The following ALMS1 variants were observed in gnomAD, a reference collection of about 807,000 sequenced individuals.
ALMS1 encodes the protein centrosome-associated protein ALMS1.
A neutral mutation model predicts 352.2 loss-of-function variants in ALMS1; 271 were observed. The observed-to-expected ratio is 0.77, with a 90% CI of 0.70 to 0.85. ALMS1 has a LOEUF of 0.85. Among genes scored for constraint, ALMS1 ranks in the 40% least tolerant of loss-of-function variants. The pLI, the probability that ALMS1 is intolerant of heterozygous loss-of-function variation, is 0.00. For synonymous variants in ALMS1, 1,865 were observed against 1,761.2 expected, an observed-to-expected ratio of 1.06 and a Z score of -1.48; for missense variants, 5,445 against 4,870.7, an observed-to-expected ratio of 1.12 and a Z score of -3.51.
intron 10 of ALMS1, among the ~76,000 whole-genome samples, chr2:73,493,007 A>T (rs1673024018): frequency 6.6e-6 from 1 of 152,086 alleles, no homozygotes; most frequent in African/African-American, 2.4e-5. Flanking sequence ...AAACATTGAC[A>T]ATTTCATATA....
chr2:73,503,625 G>A (rs1673261943), intron 10 of ALMS1, among the ~76,000 whole-genome samples: 2 of 152,102 alleles, frequency 1.3e-5, no homozygotes, highest in African/African-American at 2.4e-5. Flanking sequence ...GTAATGGGAT[G>A]GCTGGGTCAA....
At chr2:73,409,219 A>G (rs1056783609) in intron 2 of ALMS1, among the ~76,000 whole-genome samples, 2 of 152,248 alleles carry the variant, frequency 1.3e-5, no homozygotes, top group African/African-American at 4.8e-5. Flanking sequence ...CTTTATGTAT[A>G]TGTAGAAGAG....
intron 1 of ALMS1, among the ~76,000 whole-genome samples, chr2:73,397,497 C>T (rs1057294483): frequency 6.6e-6 from 1 of 151,386 alleles, no homozygotes; most frequent in Non-Finnish European, 1.5e-5. Context: ...GATGGTGTTT[C>T]GCTCTTGTTG....
intron 12 of ALMS1, among the ~76,000 whole-genome samples, chr2:73,541,328 A>G (rs1269988870): frequency 1.3e-5 from 2 of 152,250 alleles, no homozygotes; most frequent in South Asian, 2.1e-4. Flanking sequence ...AACCAGTGAG[A>G]ACAAAGATAC....
intron 2 of ALMS1, among the ~76,000 whole-genome samples, chr2:73,418,342 A>C (rs1339407659): frequency 6.6e-6 from 1 of 152,234 alleles, no homozygotes; most frequent in African/African-American, 2.4e-5. Flanking sequence ...GAGAAGAGCC[A>C]GGGATCGTTT....
intron 6 of ALMS1, among the ~76,000 whole-genome samples, chr2:73,430,169 C>T (rs1446593278): frequency 6.6e-6 from 1 of 151,686 alleles, no homozygotes; most frequent in Non-Finnish European, 1.5e-5. Context: ...CTCCGCCTCC[C>T]GGGTTCACAC....
chr2:73,545,889 T>C (rs1674305175), intron 12 of ALMS1, among the ~76,000 whole-genome samples: 1 of 152,230 alleles, frequency 6.6e-6, no homozygotes, highest in Non-Finnish European at 1.5e-5. Context: ...ATTCTCAAAA[T>C]TAATTGTAGT....
At chr2:73,493,737 A>C (rs936144513) in intron 10 of ALMS1, among the ~76,000 whole-genome samples, 24 of 152,122 alleles carry the variant, frequency 1.6e-4, no homozygotes, top group Non-Finnish European at 4.4e-5. Flanking sequence ...AAAATTTATA[A>C]AGTATGTATG....
chr2:73,478,272 T>A (rs565448020), intron 9 of ALMS1, among the ~76,000 whole-genome samples: 1 of 152,298 alleles, frequency 6.6e-6, no homozygotes, highest in East Asian at 1.9e-4. Flanking sequence ...TGGAAATGGT[T>A]ATGTGAAAAT....
intron 16 of ALMS1, among the ~76,000 whole-genome samples, chr2:73,589,220 C>G (rs909440196): frequency 6.8e-4 from 73 of 106,894 alleles, no homozygotes; most frequent in African/African-American, 5.0e-3. Flanking sequence ...GATTGATAAA[C>G]ACAAAAAGTT....
chr2:73,510,787 G>A lies in ALMS1; in HGVS notation c.9540-8988G>A, dbSNP rs535406351. Among the ~76,000 whole-genome samples the A allele has an allele frequency of 2.9e-4, 44 of 152,318 alleles. No homozygotes were observed. In the South Asian group the frequency reaches 6.8e-3, roughly 24 times the overall value. Reference sequence around the variant, plus strand: ...CTATTCAGAGCTGGCAGGCAGGAACGTTTAAGTCTGCTGAAGCTGTGCCCA... The same window carrying A: ...CTATTCAGAGCTGGCAGGCAGGAACATTTAAGTCTGCTGAAGCTGTGCCCA... On this transcript the variant is annotated intron_variant, in intron 10 of 22. Coordinates refer to ENST00000613296, the MANE Select transcript of ALMS1 (RefSeq NM_001378454.1).
chr2:73,592,000 A>G (rs1337777550), intron 16 of ALMS1, among the ~76,000 whole-genome samples: 1 of 152,174 alleles, frequency 6.6e-6, no homozygotes, highest in African/African-American at 2.4e-5. Flanking sequence ...TTATCCCATT[A>G]GAGTTTTTTT....
rs1456042923 is a variant in ALMS1, at chr2:73,449,624, C to T, written c.3097C>T (p.Pro1033Ser). ...TEKALKVSTG[P>S]GPADQKTEIP... ...AAAGGCTCTGAAAGTTTCAACTGGC[C>T]CTGGACCAGCTGACCAGAAGACTGA... Residue 1033 changes from proline to serine, a missense_variant, in exon 8 of 23, where the codon CCT becomes TCT. Pro to Ser is a moderately conservative substitution (Grantham distance 74, BLOSUM62 -1). Coordinates refer to ENST00000613296, the MANE Select transcript of ALMS1 (RefSeq NM_001378454.1). 1 of 1,613,940 alleles carries T rather than the reference C, an allele frequency of 6.2e-7. No homozygotes were observed. The highest frequency in any genetic ancestry group is 8.5e-7 in the Non-Finnish European group (1 of 1,179,952).
At chr2:73,459,405 T>G (rs543898755) in intron 9 of ALMS1, 1 of 152,200 alleles carries the variant, frequency 6.6e-6, no homozygotes, top group Non-Finnish European at 1.5e-5. Context: ...TGTAAATATC[T>G]CTAGTTTAGG....
chr2:73,487,345 C>G (rs572916182), intron 9 of ALMS1, among the ~76,000 whole-genome samples: 2 of 152,294 alleles, frequency 1.3e-5, no homozygotes, highest in Non-Finnish European at 2.9e-5. Flanking sequence ...GCAGGCAGCT[C>G]CAGTGCTGGC....
intron 9 of ALMS1, among the ~76,000 whole-genome samples, chr2:73,479,986 T>A (rs1208512804): frequency 2.0e-5 from 3 of 152,148 alleles, no homozygotes; most frequent in Non-Finnish European, 4.4e-5. Context: ...TTGCACATTT[T>A]TTAATATTTC....
Position 73,572,458 on chromosome 2 carries a change from T to TC in ALMS1, c.10582dup (p.Leu3528ProfsTer12). 1 of 1,613,992 alleles carries TC rather than the reference T, an allele frequency of 6.2e-7. No homozygotes were observed. Among genetic ancestry groups the TC allele is most frequent in the Non-Finnish European group, 8.5e-7 (1 of 1,179,990 alleles). On this transcript the variant is annotated frameshift_variant, in exon 16 of 23. Coordinates refer to ENST00000613296, the MANE Select transcript of ALMS1 (RefSeq NM_001378454.1). LOFTEE classifies it high-confidence loss of function. ...CAGACAAACATAGAGAACACATGTGTCTTCCTCTTCCTTATCAAAACATGG... is the reference window on the plus strand; with the variant it reads ...CAGACAAACATAGAGAACACATGTGTCCTTCCTCTTCCTTATCAAAACATGG...
rs1404866630 is a variant in ALMS1 at position 73,448,401 on chromosome 2, G to C, written c.1874G>C (p.Arg625Thr). 6.2e-7 allele frequency: 1 copy of C among 1,614,050 alleles called. No homozygotes were observed. Among genetic ancestry groups the C allele is most frequent in the South Asian group, 1.1e-5 (1 of 91,086 alleles). The change falls in exon 8 of 23, where the codon AGA becomes ACA. Residue 625 changes from arginine to threonine, a missense_variant. By Grantham distance (71) the Arg-to-Thr change is moderately conservative (BLOSUM62 -1). Coordinates refer to ENST00000613296, the MANE Select transcript of ALMS1 (RefSeq NM_001378454.1). ...CTAACCTCTACTTCCTACTCACATA[G>C]AGAGAAGCCTGGTACTTTTTACCAA... ...STLTSTSYSHREKPGTFYQQE... is the reference protein window; with the variant it reads ...STLTSTSYSHTEKPGTFYQQE...
At chr2:73,463,442 A>C (rs567960346) in intron 9 of ALMS1, among the ~76,000 whole-genome samples, 2 of 148,302 alleles carry the variant, frequency 1.3e-5, no homozygotes, top group South Asian at 4.5e-4. Flanking sequence ...TCTGGGACAC[A>C]TTCAAAGCAG....
Sources: allele counts gnomAD v4.1 joint callset (sites outside exome capture counted in the v4.1 genomes callset), GRCh38; gene constraint gnomAD v4.1.1; transcripts MANE v1.5; gene names NCBI Gene and HGNC (gene_info 2026-07-23, HGNC 2026-07-21).